Variants in PTP4A2 observed in about 807,000 individuals in gnomAD.
The protein encoded by PTP4A2 is protein tyrosine phosphatase type IVA 2.
In PTP4A2, 2 loss-of-function variants were observed where a neutral mutation model predicts 22.9. The ratio of observed to expected loss-of-function variants is 0.09; its 90% confidence interval spans 0.04 to 0.27. The LOEUF (loss-of-function observed/expected upper bound fraction) is 0.27, where lower values mean the gene tolerates loss of function less well. Among genes scored for constraint, PTP4A2 ranks in the 10% least tolerant of loss-of-function variants. The pLI is 1.00. For missense variants in PTP4A2, 103 were observed against 205.1 expected (o/e 0.50, Z 3.04); for synonymous variants, 68 against 69.1 (o/e 0.98, Z 0.08).
chr1:31,908,149 TATATATATATATATATATATA>T lies in PTP4A2; in HGVS notation c.*682_*702del, dbSNP rs1651307917. ...ATATATATATATTATATTATATATATATATATATATATATATATATATATATATATATATATATATATATAT... is the reference window on the plus strand; with the variant it reads ...ATATATATATATTATATTATATATATTATATATATATATATATATATATAT... On this transcript the variant is annotated 3_prime_UTR_variant, in exon 6 of 6. Coordinates refer to ENST00000647444, the MANE Select transcript of PTP4A2 (RefSeq NM_080391.4). The T allele has an allele frequency of 2.4e-3, 2 of 840 alleles. No individual in the cohort carries two copies. The highest frequency in any genetic ancestry group is 6.7e-3 in the African/African-American group (2 of 300). 0.1% of individuals were successfully genotyped at this position (840 alleles called of 1,614,324 possible). A position where few individuals can be genotyped will look rare whatever the true frequency, so the allele number is the denominator to read the frequency against.
chr1:31,913,027 G>C (rs1259627524), intron 3 of PTP4A2: 4 of 454,664 alleles, frequency 8.8e-6, no homozygotes, highest in African/African-American at 2.0e-5. Context: ...AATGCACCTA[G>C]TTAAGAAACA....
intron 1 of PTP4A2, among the ~76,000 whole-genome samples, chr1:31,932,031 G>A (rs1569649942): frequency 6.6e-6 from 1 of 152,158 alleles, no homozygotes; most frequent in Non-Finnish European, 1.5e-5. Flanking sequence ...AAACGGTGGG[G>A]AAAATAAAAA....
chr1:31,917,116 G>A (rs1651888495), intron 2 of PTP4A2, among the ~76,000 whole-genome samples: 1 of 152,226 alleles, frequency 6.6e-6, no homozygotes, highest in African/African-American at 2.4e-5. Context: ...CAGGAGGACA[G>A]TGGCCTGTGC....
At chr1:31,922,495 A>C (rs928365476) in intron 1 of PTP4A2, among the ~76,000 whole-genome samples, 1 of 152,222 alleles carries the variant, frequency 6.6e-6, no homozygotes. Flanking sequence ...AAAAAAATTT[A>C]AAACAAAGTT....
rs1166228210 is a variant in PTP4A2 at position 31,928,192 on chromosome 1, CAT to C, written c.-593-8536_-593-8535del. ...TATATATAACAAATATATATTATAA[CAT>C]ATATTTATATATTATAATATATAAA... On this transcript the variant is annotated intron_variant, in intron 1 of 5. Transcript: ENST00000647444. Among the ~76,000 whole-genome samples the C allele has an allele frequency of 1.4e-4, 21 of 145,118 alleles. No individual in the cohort carries two copies. The East Asian group carries it at 2.6e-3, about 18-fold the overall frequency.
At position 31,918,135 on chromosome 1, in the gene PTP4A2, G is replaced by C. The variant is rs544176385; in HGVS notation, c.96+835C>G. Among the ~76,000 whole-genome samples, 294 of 151,918 alleles carry C rather than the reference G, an allele frequency of 1.9e-3. 1 individual carries two copies. The highest frequency in any genetic ancestry group is 0.014 in the Middle Eastern group (4 of 294). Reference sequence around the variant, plus strand: ...GTGGTGGCAGGTGCCTGTAGTCCCAGCTATCAGGGAGGCTGAGGCAGGAGA... The same window carrying C: ...GTGGTGGCAGGTGCCTGTAGTCCCACCTATCAGGGAGGCTGAGGCAGGAGA... On this transcript the variant is annotated intron_variant, in intron 2 of 5. Transcript: ENST00000647444.
intron 1 of PTP4A2, among the ~76,000 whole-genome samples, chr1:31,926,149 A>ATATATAT (rs1553212253): frequency 7.6e-5 from 10 of 131,346 alleles, no homozygotes; most frequent in African/African-American, 2.6e-4. Context: ...AAAAAAAAAA[A>ATATATAT]ATATATATAT....
chr1:31,917,231 A>C (rs1288697380), intron 2 of PTP4A2, among the ~76,000 whole-genome samples: 1 of 152,238 alleles, frequency 6.6e-6, no homozygotes, highest in Non-Finnish European at 1.5e-5. Context: ...ACAGGCGTAG[A>C]ATCAACTTGT....
In PTP4A2 at chr1:31,923,595, A is replaced by T. The variant is rs371212024; in HGVS notation, c.-593-3937T>A. ...GTGATCCGCCCGCCTCGGCCTCCCA[A>T]AGTGCTGGGATTACAGGCGTGAGCC... On this transcript the variant is annotated intron_variant, in intron 1 of 5. Transcript: ENST00000647444. Among the ~76,000 whole-genome samples, 4 of 151,596 alleles carry T rather than the reference A, an allele frequency of 2.6e-5. No homozygotes were observed. The South Asian group carries it at 8.3e-4, about 32-fold the overall frequency.
chr1:31,911,237 T>C (rs1651520021), intron 4 of PTP4A2: 2 of 152,440 alleles, frequency 1.3e-5, no homozygotes, highest in South Asian at 2.1e-4. Flanking sequence ...ATGACAGCGT[T>C]GCAACACCAT....
intron 1 of PTP4A2, among the ~76,000 whole-genome samples, chr1:31,928,623 G>A (rs1010253000): frequency 6.0e-5 from 9 of 151,024 alleles, no homozygotes; most frequent in African/African-American, 2.2e-4. Context: ...CTTGAACCTG[G>A]GAGGCGGAAG....
chr1:31,930,899 A>G lies in PTP4A2; in HGVS notation c.-594+7088T>C, dbSNP rs573972288. 2.8e-4 allele frequency: 42 copies of G among 152,368 alleles called. 1 individual carries two copies. Among genetic ancestry groups the G allele is most frequent in the African/African-American group, 9.9e-4 (41 of 41,592 alleles). The allele number at this position is 152,368 out of a possible 1,614,324, so 9.4% of individuals were successfully genotyped here. A position where few individuals can be genotyped will look rare whatever the true frequency, so the allele number is the denominator to read the frequency against. The stretch of plus-strand genomic sequence containing the variant: ...GAAATAAAAATGGTGAAATAACTCT[A>G]TAATGCCATGTCAAGAAGTTATTCT... On this transcript the variant is annotated intron_variant, in intron 1 of 5. Coordinates refer to ENST00000647444, the MANE Select transcript of PTP4A2 (RefSeq NM_080391.4).
chr1:31,917,457 C>T (rs1651906120), intron 2 of PTP4A2, among the ~76,000 whole-genome samples: 1 of 152,040 alleles, frequency 6.6e-6, no homozygotes, highest in South Asian at 2.1e-4. Context: ...TTTCAAAATA[C>T]AAATAAAATC....
intron 3 of PTP4A2, among the ~76,000 whole-genome samples, 178 bp from the exon 4 acceptor site, chr1:31,912,004 T>A (rs756611496): frequency 5.3e-5 from 8 of 152,310 alleles, no homozygotes; most frequent in Middle Eastern, 3.4e-3. Context: ...GAAATTAAAG[T>A]TTGCCAAATA....
intron 3 of PTP4A2, among the ~76,000 whole-genome samples, chr1:31,912,050 A>G (rs1651562510): frequency 6.6e-6 from 1 of 152,220 alleles, no homozygotes; most frequent in African/African-American, 2.4e-5. Context: ...CACACATCTG[A>G]ATTTACAAAA....
rs111486136 is a variant in PTP4A2 at position 31,926,105 on chromosome 1, G to A, written c.-593-6447C>T. Among the ~76,000 whole-genome samples the A allele has an allele frequency of 1.5e-3, 206 of 140,862 alleles. 4 individuals carry two copies. Among genetic ancestry groups the A allele is most frequent in the African/African-American group, 4.8e-3 (186 of 38,460 alleles). 92.4% of individuals were successfully genotyped at this position (140,862 alleles called of 152,430 possible). On this transcript the variant is annotated intron_variant, in intron 1 of 5. Transcript: ENST00000647444. ...GATTGCGCCACTGCACTCCAGCCTGGCCACAGAGCTAGATTCCGTTTCAAA... is the reference window on the plus strand; with the variant it reads ...GATTGCGCCACTGCACTCCAGCCTGACCACAGAGCTAGATTCCGTTTCAAA...
chr1:31,916,736 A>G (rs1336773121), intron 2 of PTP4A2, among the ~76,000 whole-genome samples: 1 of 152,224 alleles, frequency 6.6e-6, no homozygotes, highest in East Asian at 1.9e-4. Context: ...AGTGAACACT[A>G]TGACAGCTAT....
intron 1 of PTP4A2, chr1:31,921,466 C>T (rs1385961795): frequency 3.9e-5 from 6 of 152,186 alleles, no homozygotes; most frequent in African/African-American, 1.4e-4. Context: ...CTGATTCACA[C>T]ACACTTCTCC....
chr1:31,919,998 T>C (rs1044857027), intron 1 of PTP4A2, among the ~76,000 whole-genome samples: 1 of 149,540 alleles, frequency 6.7e-6, no homozygotes, highest in African/African-American at 2.5e-5. Context: ...TGGTGGTGCA[T>C]GCCTGTAATC....
Sources: allele counts gnomAD v4.1 joint callset (sites outside exome capture counted in the v4.1 genomes callset), GRCh38; gene constraint gnomAD v4.1.1; transcripts MANE v1.5; gene names NCBI Gene and HGNC (gene_info 2026-07-23, HGNC 2026-07-21).